ELP4: variants seen among roughly 807,000 people sequenced by gnomAD.
ELP4 encodes the protein elongator acetyltransferase complex subunit 4, also known as elongator complex protein 4.
Under a neutral mutation model 48.9 loss-of-function variants are expected in ELP4, and 51 were observed. The observed-to-expected ratio is 1.04, with a 90% CI of 0.83 to 1.32. ELP4 has a LOEUF of 1.32. Ranked by LOEUF, ELP4 falls within the 40% of genes most tolerant of loss-of-function variation. The probability of loss-of-function intolerance (pLI) is 0.00; values close to 1 mark genes in which losing one functional copy is unlikely to be tolerated. For missense variants in ELP4, 519 were observed against 514.6 expected (o/e 1.01, Z -0.08); for synonymous variants, 210 against 189.2 (o/e 1.11, Z -0.90).
At chr11:31,563,174 A>G (rs572257197) in intron 3 of ELP4, among the ~76,000 whole-genome samples, 1 of 152,286 alleles carries the variant, frequency 6.6e-6, no homozygotes, top group East Asian at 1.9e-4. Flanking sequence ...AGGATTTCTC[A>G]TGCTGCATGG....
intron 9 of ELP4, chr11:31,720,067 G>A (rs1395269782): frequency 6.6e-6 from 1 of 151,764 alleles, no homozygotes; most frequent in Non-Finnish European, 1.5e-5. Flanking sequence ...GTGAAGTGAA[G>A]TTATATTGAC....
intron 9 of ELP4, chr11:31,767,688 C>T (rs1948069327): frequency 6.6e-6 from 1 of 152,008 alleles, no homozygotes; most frequent in South Asian, 2.1e-4. Flanking sequence ...TTATTTGCAT[C>T]ATTTCCTTTA....
intron 3 of ELP4, among the ~76,000 whole-genome samples, chr11:31,594,011 A>G (rs753998155): frequency 9.9e-5 from 15 of 152,180 alleles, no homozygotes; most frequent in Non-Finnish European, 1.6e-4. Context: ...TTACTAATCC[A>G]ATGCCCTACA....
chr11:31,510,046 A>G (rs1254118721), intron 1 of ELP4, 39 bp downstream of exon 1: 2 of 1,586,354 alleles, frequency 1.3e-6, no homozygotes, highest in African/African-American at 2.7e-5. Flanking sequence ...GCCGAGGGGA[A>G]ACTTAGGGAG....
chr11:31,638,346 A>G (rs988200866), intron 7 of ELP4, among the ~76,000 whole-genome samples: 1 of 151,792 alleles, frequency 6.6e-6, no homozygotes, highest in Non-Finnish European at 1.5e-5. Context: ...TATTCAACCA[A>G]ATTTCAGATT....
intron 5 of ELP4, among the ~76,000 whole-genome samples, chr11:31,618,156 T>G (rs1425362152): frequency 6.6e-6 from 1 of 152,114 alleles, no homozygotes; most frequent in East Asian, 1.9e-4. Context: ...TAAAAAGGAA[T>G]GAAGTACTGA....
chr11:31,560,303 G>T (rs1956997036), intron 3 of ELP4, among the ~76,000 whole-genome samples: 1 of 151,890 alleles, frequency 6.6e-6, no homozygotes, highest in African/African-American at 2.4e-5. Flanking sequence ...TGATAGTAAA[G>T]ATCTTTGTTA....
At position 31,755,527 on chromosome 11, in the gene ELP4, A is replaced by G. The variant is rs569984487; in HGVS notation, c.1144-27866A>G. On this transcript the variant is annotated intron_variant, in intron 9 of 9. Transcript: ENST00000640961. ...GAGAAGCAGACATTATTTTTTTAGC[A>G]GTCTTGCCAAAAATGCATAATTTCT... is the stretch of plus-strand genomic sequence containing the variant. Among the ~76,000 whole-genome samples, 7 of 152,328 alleles carry G rather than the reference A, an allele frequency of 4.6e-5. No homozygotes were observed. The South Asian group carries it at 1.5e-3, about 32-fold the overall frequency.
chr11:31,512,980 A>G (rs1024286841), intron 1 of ELP4, among the ~76,000 whole-genome samples: 1 of 152,038 alleles, frequency 6.6e-6, no homozygotes, highest in Non-Finnish European at 1.5e-5. Flanking sequence ...AATGTCAGAT[A>G]GGGATTTGAG....
intron 7 of ELP4, chr11:31,634,374 A>G (rs1467434984): frequency 6.6e-6 from 1 of 152,130 alleles, no homozygotes; most frequent in African/African-American, 2.4e-5. Context: ...TTCCTTTTGC[A>G]TAATTGCAAA....
At chr11:31,650,409 C>T (rs1945295828) in intron 9 of ELP4, 188 bp downstream of exon 9, 1 of 406,906 alleles carries the variant, frequency 2.5e-6, no homozygotes, top group African/African-American at 2.1e-5. Context: ...TTTATTTTTA[C>T]AATATATCAA....
chr11:31,647,858 A>T lies in ELP4; in HGVS notation c.1036+9A>T. The T allele has an allele frequency of 6.7e-7, 1 of 1,497,974 alleles. No homozygotes were observed. The allele number at this position is 1,497,974 out of a possible 1,614,324, so 92.8% of individuals were successfully genotyped here. A position where few individuals can be genotyped will look rare whatever the true frequency, so the allele number is the denominator to read the frequency against. On this transcript the variant is annotated intron_variant, in intron 8 of 9. Transcript: ENST00000640961. ...GTATAAGGATTATCATGGTAAGTAC[A>T]ACCTTCATAATGAGAAGAGCAGGAG...
chr11:31,633,820 C>A (rs1040767629), intron 7 of ELP4: 1 of 152,062 alleles, frequency 6.6e-6, no homozygotes, highest in Non-Finnish European at 1.5e-5. Context: ...CCATGTACTA[C>A]ATCCCAAGCA....
At chr11:31,738,627 G>A (rs1012998541) in intron 9 of ELP4, among the ~76,000 whole-genome samples, 9 of 151,810 alleles carry the variant, frequency 5.9e-5, no homozygotes, top group African/African-American at 1.5e-4. Flanking sequence ...TCTCAGCGCC[G>A]GGGGAGGTGG....
chr11:31,688,909 T>C (rs1028594155), intron 9 of ELP4, among the ~76,000 whole-genome samples: 2 of 152,152 alleles, frequency 1.3e-5, no homozygotes, highest in African/African-American at 4.8e-5. Flanking sequence ...GCTCTTATCA[T>C]TGGGAGAACA....
At chr11:31,756,422 A>G (rs911075896) in intron 9 of ELP4, among the ~76,000 whole-genome samples, 8 of 151,748 alleles carry the variant, frequency 5.3e-5, no homozygotes, top group African/African-American at 1.9e-4. Flanking sequence ...CCACACTTTT[A>G]CCCCTCTTTG....
intron 2 of ELP4, 40 bp downstream of exon 2, chr11:31,520,131 T>G (rs773211070): frequency 1.5e-5 from 24 of 1,551,328 alleles, no homozygotes; most frequent in Admixed American, 1.9e-5. Flanking sequence ...TCTATCATTG[T>G]TTTCTGTTGT....
chr11:31,762,353 A>C (rs1258722323), intron 9 of ELP4, among the ~76,000 whole-genome samples: 1 of 152,192 alleles, frequency 6.6e-6, no homozygotes, highest in African/African-American at 2.4e-5. Flanking sequence ...AACAGCCTTC[A>C]AAAGCAGGAC....
intron 9 of ELP4, among the ~76,000 whole-genome samples, chr11:31,728,113 T>A (rs1947113710): frequency 6.6e-6 from 1 of 152,090 alleles, no homozygotes; most frequent in South Asian, 2.1e-4. Flanking sequence ...ATAAAGATGA[T>A]TATAGGTTTT....
Sources: gnomAD v4.1 joint callset for allele counts (sites outside exome capture counted in the v4.1 genomes callset) on GRCh38, gnomAD v4.1.1 for gene constraint, MANE v1.5 for transcripts, NCBI Gene and HGNC (gene_info 2026-07-23, HGNC 2026-07-21) for gene names.